Variants in MLLT3 observed in about 807,000 individuals in gnomAD.
MLLT3 encodes MLLT3 super elongation complex subunit, also known as protein AF-9.
A neutral mutation model predicts 53.2 loss-of-function variants in MLLT3; 4 were observed. The ratio of observed to expected loss-of-function variants is 0.08; its 90% CI spans 0.04 to 0.17. MLLT3 has a LOEUF of 0.17. Ranked by LOEUF, MLLT3 falls within the 10% of genes least tolerant of loss-of-function variation. The pLI is 1.00. For missense variants in MLLT3, 569 were observed against 684.0 expected (o/e 0.83, Z 1.87); for synonymous variants, 283 against 230.6 (o/e 1.23, Z -2.06).
At chr9:20,423,927 C>T (rs1823079828) in intron 4 of MLLT3, among the ~76,000 whole-genome samples, 1 of 152,134 alleles carries the variant, frequency 6.6e-6, no homozygotes, top group East Asian at 1.9e-4. Context: ...CAGAGCAAGA[C>T]CATCTCCAAA....
chr9:20,344,941 G>GTATT lies in MLLT3; in HGVS notation c.*1498_*1501dup, dbSNP rs1441412109. 2 of 215,306 alleles carry GTATT rather than the reference G, an allele frequency of 9.3e-6. No homozygotes were observed. Among genetic ancestry groups the GTATT allele is most frequent in the Admixed American group, 5.8e-5 (1 of 17,146 alleles). 13.3% of individuals were successfully genotyped at this position (215,306 alleles called of 1,614,324 possible). ...CAGTGACGAACCTTTGGATCCAGAA[G>GTATT]TATTTCTTCATTTCTCTTCTTTTCG... On this transcript the variant is annotated 3_prime_UTR_variant, in exon 11 of 11. Transcript: ENST00000380338.
chr9:20,525,544 GT>G (rs1239508688), intron 2 of MLLT3, among the ~76,000 whole-genome samples: 1 of 152,196 alleles, frequency 6.6e-6, no homozygotes, highest in Non-Finnish European at 1.5e-5. Context: ...CAGTACTGAG[GT>G]TTTAAATGAA....
At chr9:20,496,136 A>G (rs1172925481) in intron 2 of MLLT3, among the ~76,000 whole-genome samples, 1 of 152,186 alleles carries the variant, frequency 6.6e-6, no homozygotes, top group Non-Finnish European at 1.5e-5. Flanking sequence ...ACCTACCACA[A>G]AAGTGCTCTG....
At chr9:20,503,827 T>C (rs1334832573) in intron 2 of MLLT3, among the ~76,000 whole-genome samples, 4 of 152,064 alleles carry the variant, frequency 2.6e-5, no homozygotes, top group Non-Finnish European at 4.4e-5. Context: ...ATATCCAAAA[T>C]ATATGAGGAA....
chr9:20,473,566 A>G (rs963790230), intron 2 of MLLT3, among the ~76,000 whole-genome samples: 9 of 152,258 alleles, frequency 5.9e-5, no homozygotes, highest in African/African-American at 2.2e-4. Context: ...TTTTCTAAAC[A>G]TCAGAGGCTA....
At chr9:20,359,185 G>C (rs989235545) in intron 8 of MLLT3, among the ~76,000 whole-genome samples, 3 of 144,490 alleles carry the variant, frequency 2.1e-5, no homozygotes, top group African/African-American at 7.8e-5. Context: ...ATCTCACCAA[G>C]GTTCAAATTC....
intron 2 of MLLT3, among the ~76,000 whole-genome samples, chr9:20,611,439 C>G (rs1159452700): frequency 3.3e-5 from 5 of 151,762 alleles, no homozygotes; most frequent in Non-Finnish European, 7.4e-5. Context: ...AGCATTTTGC[C>G]TGGTATTGAT....
intron 4 of MLLT3, among the ~76,000 whole-genome samples, chr9:20,432,937 T>A (rs546992368): frequency 6.6e-6 from 1 of 152,118 alleles, no homozygotes; most frequent in South Asian, 2.1e-4. Context: ...TTTGAATGAA[T>A]GTATACATTT....
intron 5 of MLLT3, among the ~76,000 whole-genome samples, chr9:20,400,934 T>C (rs1307814859): frequency 3.3e-5 from 5 of 152,132 alleles, no homozygotes; most frequent in Non-Finnish European, 7.4e-5. Context: ...GAAAGTTTTG[T>C]AGAGAAGAAC....
intron 4 of MLLT3, among the ~76,000 whole-genome samples, chr9:20,430,927 C>T (rs7028575): frequency 0.1 from 15,854 of 152,006 alleles, 1,618 homozygotes; most frequent in African/African-American, 0.26. Flanking sequence ...ACAAACATTT[C>T]ACAGAATAAG....
intron 2 of MLLT3, among the ~76,000 whole-genome samples, chr9:20,483,794 G>A (rs994650213): frequency 3.0e-5 from 4 of 133,906 alleles, no homozygotes; most frequent in Non-Finnish European, 1.5e-5. Flanking sequence ...TGCAAGGTCC[G>A]CCTCCCGAGT....
chr9:20,472,645 C>T (rs928121044), intron 2 of MLLT3, among the ~76,000 whole-genome samples: 1 of 151,970 alleles, frequency 6.6e-6, no homozygotes, highest in Non-Finnish European at 1.5e-5. Flanking sequence ...TATATATAAG[C>T]CCCTGCATGT....
At chr9:20,417,447 T>C (rs1241179724) in intron 4 of MLLT3, among the ~76,000 whole-genome samples, 1 of 150,430 alleles carries the variant, frequency 6.6e-6, no homozygotes, top group Non-Finnish European at 1.5e-5. Context: ...TTTAAATTTT[T>C]CAATTAACCA....
chr9:20,577,269 A>G (rs1819678371), intron 2 of MLLT3, among the ~76,000 whole-genome samples: 1 of 152,134 alleles, frequency 6.6e-6, no homozygotes, highest in South Asian at 2.1e-4. Context: ...GAATGTTCAG[A>G]TGCACAAAAA....
intron 2 of MLLT3, among the ~76,000 whole-genome samples, chr9:20,510,707 T>C (rs1022571585): frequency 6.6e-6 from 1 of 151,920 alleles, no homozygotes; most frequent in South Asian, 2.1e-4. Flanking sequence ...TACATTTTCA[T>C]ACATTACTTG....
chr9:20,487,280 ACT>A (rs1050076943), intron 2 of MLLT3, among the ~76,000 whole-genome samples: 4 of 152,014 alleles, frequency 2.6e-5, no homozygotes, highest in African/African-American at 7.2e-5. Context: ...AAAGCAATGG[ACT>A]CTGTTTACCT....
chr9:20,370,436 A>C (rs992615165), intron 5 of MLLT3, among the ~76,000 whole-genome samples: 9 of 152,038 alleles, frequency 5.9e-5, no homozygotes, highest in Non-Finnish European at 1.2e-4. Flanking sequence ...ATTCCCTGAG[A>C]TACAACAATA....
Position 20,558,139 on chromosome 9 carries a change from G to C in MLLT3, c.193+62515C>G, listed in dbSNP as rs138499608. Among the ~76,000 whole-genome samples, 6 of 152,240 alleles carry C rather than the reference G, an allele frequency of 3.9e-5. No individual in the cohort carries two copies. The East Asian group carries it at 1.2e-3, about 29-fold the overall frequency. On this transcript the variant is annotated intron_variant, in intron 2 of 10. Coordinates refer to ENST00000380338, the MANE Select transcript of MLLT3 (RefSeq NM_004529.4). ...CTAAACAGCAGCTCTGGAGAACATG[G>C]GCTGGCAGGTGTATGAACACAGAAC...
chr9:20,396,829 G>A (rs542988198), intron 5 of MLLT3, among the ~76,000 whole-genome samples: 1 of 152,212 alleles, frequency 6.6e-6, no homozygotes, highest in South Asian at 2.1e-4. Context: ...TGTTGCTGGA[G>A]TAAGGCTTAT....
Sources: gnomAD v4.1 joint callset for allele counts (sites outside exome capture counted in the v4.1 genomes callset) on GRCh38, gnomAD v4.1.1 for gene constraint, MANE v1.5 for transcripts, NCBI Gene and HGNC (gene_info 2026-07-23, HGNC 2026-07-21) for gene names.